Variants in EPB41L4B observed in about 807,000 individuals in gnomAD.
EPB41L4B encodes erythrocyte membrane protein band 4.1 like 4B, also known as band 4.1-like protein 4B.
EPB41L4B carries 30 observed loss-of-function variants against 112.5 expected under a neutral mutation model. That is an observed-to-expected ratio of 0.27 (90% CI 0.20 to 0.36). The LOEUF is 0.36. Ranked by LOEUF, EPB41L4B falls within the 10% of genes least tolerant of loss-of-function variation. The pLI, the probability that EPB41L4B is intolerant of heterozygous loss-of-function variation, is 1.00. For missense variants in EPB41L4B, 1,024 were observed against 1,133.3 expected, an observed-to-expected ratio of 0.90 and a Z score of 1.38; for synonymous variants, 408 against 439.7, an observed-to-expected ratio of 0.93 and a Z score of 0.90.
chr9:109,281,873 A>C (rs569117814), intron 1 of EPB41L4B, among the ~76,000 whole-genome samples: 1 of 152,216 alleles, frequency 6.6e-6, no homozygotes, highest in Admixed American at 6.5e-5. Context: ...TAGTTACCAC[A>C]TGACCCAACA....
chr9:109,226,139 C>T (rs1457701776), intron 15 of EPB41L4B, among the ~76,000 whole-genome samples: 1 of 152,200 alleles, frequency 6.6e-6, no homozygotes, highest in Non-Finnish European at 1.5e-5. Flanking sequence ...CTCTGCTCCC[C>T]TGCAACTTAC....
At chr9:109,279,517 T>C (rs1323655952) in intron 2 of EPB41L4B, among the ~76,000 whole-genome samples, 1 of 152,186 alleles carries the variant, frequency 6.6e-6, no homozygotes, top group Non-Finnish European at 1.5e-5. Context: ...GCCCCCAGCC[T>C]GAAAGAACTT....
At chr9:109,281,189 G>A (rs1288149410) in intron 1 of EPB41L4B, among the ~76,000 whole-genome samples, 2 of 151,246 alleles carry the variant, frequency 1.3e-5, no homozygotes, top group Non-Finnish European at 2.9e-5. Flanking sequence ...CCAGATGGGA[G>A]AACATGTTTG....
At position 109,178,324 on chromosome 9, in the gene EPB41L4B, G is replaced by C. The variant is rs185341881; in HGVS notation, c.2488-1628C>G. On this transcript the variant is annotated intron_variant, in intron 24 of 25. Coordinates refer to ENST00000374566, the MANE Select transcript of EPB41L4B (RefSeq NM_019114.5). ...ATGCTAGTTCTTGGCCCTGACCTTG[G>C]AGAAACTTATTACATGAGTTTCTAA... Among the ~76,000 whole-genome samples, 10 of 151,134 alleles carry C rather than the reference G, an allele frequency of 6.6e-5. No homozygotes were observed. The East Asian group carries it at 2.0e-3, about 30-fold the overall frequency.
intron 2 of EPB41L4B, among the ~76,000 whole-genome samples, chr9:109,273,674 C>T (rs967160754): frequency 6.6e-6 from 1 of 152,180 alleles, no homozygotes; most frequent in South Asian, 2.1e-4. Context: ...CCCCACACCC[C>T]CAGCCCACCT....
intron 20 of EPB41L4B, among the ~76,000 whole-genome samples, chr9:109,199,566 G>A (rs1368748947): frequency 6.6e-6 from 1 of 152,172 alleles, no homozygotes; most frequent in African/African-American, 2.4e-5. Context: ...CTACTTGGGA[G>A]GCTGAGGCAG....
At chr9:109,271,386 G>A (rs1381994011) in intron 2 of EPB41L4B, among the ~76,000 whole-genome samples, 2 of 152,230 alleles carry the variant, frequency 1.3e-5, no homozygotes, top group East Asian at 3.8e-4. Context: ...TTGGTGTTCA[G>A]ATCAGGTTTT....
chr9:109,173,274 C>T lies in EPB41L4B; in HGVS notation c.*1280G>A, dbSNP rs1216162997. On this transcript the variant is annotated 3_prime_UTR_variant, in exon 26 of 26. Transcript: ENST00000374566. ...GCTAAACTAGATGACCTTTAAGGTCCTTCCAACCCAAAGATTGGATCTTTC... is the reference window on the plus strand; with the variant it reads ...GCTAAACTAGATGACCTTTAAGGTCTTTCCAACCCAAAGATTGGATCTTTC... 1 of 152,586 alleles carries T rather than the reference C, an allele frequency of 6.6e-6. No homozygotes were observed. Among genetic ancestry groups the T allele is most frequent in the Non-Finnish European group, 1.5e-5 (1 of 68,042 alleles). The allele number at this position is 152,586 out of a possible 1,614,324, so 9.5% of individuals were successfully genotyped here.
rs761089596 is a variant in EPB41L4B at position 109,174,355 on chromosome 9, T to C, written c.*199A>G. ...ATCCTGTCTCAACTACATAGAGTAA[T>C]AGAAAAACTCTAATGCTTAGGAGAC... On this transcript the variant is annotated 3_prime_UTR_variant, in exon 26 of 26. Transcript: ENST00000374566. 2.1e-5 allele frequency: 12 copies of C among 558,292 alleles called. No individual in the cohort carries two copies. The highest frequency in any genetic ancestry group is 1.5e-4 in the African/African-American group (8 of 53,056). The allele number at this position is 558,292 out of a possible 1,614,324, so 34.6% of individuals were successfully genotyped here. A position where few individuals can be genotyped will look rare whatever the true frequency, so the allele number is the denominator to read the frequency against.
intron 20 of EPB41L4B, among the ~76,000 whole-genome samples, chr9:109,195,576 A>T (rs1832612969): frequency 6.6e-6 from 1 of 152,244 alleles, no homozygotes; most frequent in Non-Finnish European, 1.5e-5. Flanking sequence ...CTTAATTTTC[A>T]CACCGACCCT....
chr9:109,218,126 CTTTTTT>C (rs10654240), intron 15 of EPB41L4B, among the ~76,000 whole-genome samples: 8,154 of 106,564 alleles, frequency 0.077, 242 homozygotes, highest in Middle Eastern at 0.13. Context: ...ACTAATAATT[CTTTTTT>C]TTTTTTTTTT....
chr9:109,266,668 A>C (rs555346555), intron 4 of EPB41L4B, among the ~76,000 whole-genome samples: 90 of 152,224 alleles, frequency 5.9e-4, no homozygotes, highest in Admixed American at 4.1e-3. Flanking sequence ...TGGGCAAACA[A>C]AACAAAAAAG....
intron 15 of EPB41L4B, chr9:109,240,679 A>G: frequency 1.0e-6 from 1 of 985,390 alleles, no homozygotes; most frequent in South Asian, 4.7e-5. Context: ...ATCTCATCCT[A>G]CTCTACAGAA....
chr9:109,246,172 C>T (rs922009122), intron 14 of EPB41L4B, among the ~76,000 whole-genome samples: 21 of 152,274 alleles, frequency 1.4e-4, no homozygotes, highest in East Asian at 7.7e-4. Flanking sequence ...GAGGCTGAGG[C>T]GAGCAGATCA....
chr9:109,186,534 G>C (rs1009139131), intron 22 of EPB41L4B, among the ~76,000 whole-genome samples: 1 of 151,748 alleles, frequency 6.6e-6, no homozygotes, highest in Non-Finnish European at 1.5e-5. Context: ...GAGTGCAGTC[G>C]TGTGATCACA....
chr9:109,308,958 C>T (rs1043232150), intron 1 of EPB41L4B, among the ~76,000 whole-genome samples: 14 of 152,136 alleles, frequency 9.2e-5, no homozygotes, highest in Non-Finnish European at 4.4e-5. Flanking sequence ...TGCCTGTAAT[C>T]CCAGCTATTC....
chr9:109,196,478 G>A (rs543030831), intron 20 of EPB41L4B, among the ~76,000 whole-genome samples: 1 of 152,092 alleles, frequency 6.6e-6, no homozygotes, highest in Non-Finnish European at 1.5e-5. Flanking sequence ...CGGCACTCTG[G>A]GGGGCCAAGG....
intron 5 of EPB41L4B, among the ~76,000 whole-genome samples, chr9:109,263,721 T>C (rs1433081849): frequency 1.3e-5 from 2 of 152,266 alleles, no homozygotes; most frequent in Non-Finnish European, 2.9e-5. Context: ...TTCATTTATA[T>C]TATCCAATTT....
intron 22 of EPB41L4B, among the ~76,000 whole-genome samples, chr9:109,186,348 C>A (rs887017150): frequency 3.3e-5 from 5 of 150,484 alleles, no homozygotes; most frequent in African/African-American, 1.2e-4. Flanking sequence ...CCACCATGCC[C>A]AGCTAATTTT....
Sources: gnomAD v4.1 joint callset for allele counts (sites outside exome capture counted in the v4.1 genomes callset) on GRCh38, gnomAD v4.1.1 for gene constraint, MANE v1.5 for transcripts, NCBI Gene and HGNC (gene_info 2026-07-23, HGNC 2026-07-21) for gene names.